Variants in ALB observed in about 807,000 individuals in gnomAD.
ALB encodes albumin.
A neutral mutation model predicts 74.5 loss-of-function variants in ALB; 37 were observed. That is an observed-to-expected ratio of 0.50 (90% CI 0.38 to 0.65). The LOEUF is 0.65. Ranked by LOEUF, ALB falls within the 30% of genes least tolerant of loss-of-function variation. ALB has a pLI of 0.00. For missense variants in ALB, 685 were observed against 718.7 expected, an observed-to-expected ratio of 0.95 and a Z score of 0.54; for synonymous variants, 249 against 251.6, an observed-to-expected ratio of 0.99 and a Z score of 0.10.
intron 7 of ALB, among the ~76,000 whole-genome samples, chr4:73,412,588 G>A (rs1718907070): frequency 6.6e-6 from 1 of 152,066 alleles, no homozygotes; most frequent in South Asian, 2.1e-4. Flanking sequence ...TGGGATTACA[G>A]GCATGCGCCA....
At chr4:73,412,455 CT>C in intron 7 of ALB, among the ~76,000 whole-genome samples, 1 of 151,100 alleles carries the variant, frequency 6.6e-6, no homozygotes, top group Non-Finnish European at 1.5e-5. Context: ...ATTTTTTTTT[CT>C]TTTTTTAAGA....
chr4:73,407,587 A>G (rs550122796), intron 3 of ALB, among the ~76,000 whole-genome samples: 3 of 152,304 alleles, frequency 2.0e-5, no homozygotes, highest in South Asian at 2.1e-4. Flanking sequence ...GAGAGCTACT[A>G]TCTCTTAGAG....
chr4:73,410,169 T>C, intron 5 of ALB, 143 bp from the exon 6 acceptor site: 2 of 680,124 alleles, frequency 2.9e-6, no homozygotes, highest in Non-Finnish European at 2.7e-6. Context: ...GCAAAATCAT[T>C]ATTCGCTAAA....
At chr4:73,409,787 A>G (rs1159161077) in intron 5 of ALB, among the ~76,000 whole-genome samples, 2 of 152,142 alleles carry the variant, frequency 1.3e-5, no homozygotes, top group Non-Finnish European at 2.9e-5. Flanking sequence ...GTCAAATTGC[A>G]CAGCAAGGGG....
In ALB at chr4:73,417,576, A is replaced by C. The variant is rs1265590977; in HGVS notation, c.1335A>C (p.Pro445=). ...AGAAAGTACCCCAAGTGTCAACTCC[A>C]ACTCTTGTAGAGGTCTCAAGAAACC... ...YTKKVPQVST[P]TLVEVSRNLG... The change falls in exon 11 of 15, where the codon CCA becomes CCC. Residue 445 remains proline, a synonymous_variant. Coordinates refer to ENST00000295897, the MANE Select transcript of ALB (RefSeq NM_000477.7). 2 of 1,613,916 alleles carry C rather than the reference A, an allele frequency of 1.2e-6. No individual in the cohort carries two copies. The highest frequency in any genetic ancestry group is 1.3e-5 in the African/African-American group (1 of 74,886).
At chr4:73,406,827 ATTT>A in intron 3 of ALB, 66 bp downstream of exon 3, 2 of 1,586,726 alleles carry the variant, frequency 1.3e-6, no homozygotes, top group East Asian at 2.2e-5. Flanking sequence ...TTTCAAAGGA[ATTT>A]TTTTTAAGTT....
intron 2 of ALB, among the ~76,000 whole-genome samples, chr4:73,406,187 A>T (rs2149326929): frequency 6.6e-6 from 1 of 152,286 alleles, no homozygotes; most frequent in African/African-American, 2.4e-5. Context: ...TGGACCTGAG[A>T]GGTCAAGGCT....
At chr4:73,406,528 AAGAT>A in intron 2 of ALB, 97 bp from the exon 3 acceptor site, 1 of 1,147,000 alleles carries the variant, frequency 8.7e-7, no homozygotes, top group South Asian at 1.3e-5. Flanking sequence ...AGATGTATAA[AAGAT>A]AGAACCTATA....
chr4:73,410,779 G>T (rs773155716), intron 6 of ALB, among the ~76,000 whole-genome samples: 3 of 151,912 alleles, frequency 2.0e-5, no homozygotes, highest in Non-Finnish European at 2.9e-5. Flanking sequence ...TTTAATTTTT[G>T]TGGATACAGA....
chr4:73,414,953 T>C (rs981793943), intron 8 of ALB, 82 bp from the exon 9 acceptor site: 281 of 1,536,776 alleles, frequency 1.8e-4, no homozygotes, highest in Non-Finnish European at 2.3e-4. Context: ...TTTTGGAATA[T>C]GAGTTACTTT....
At chr4:73,410,182 G>A in intron 5 of ALB, 130 bp from the exon 6 acceptor site, 1 of 720,214 alleles carries the variant, frequency 1.4e-6, no homozygotes, top group South Asian at 1.5e-5. Context: ...TCGCTAAAGG[G>A]AGTACTTGGG....
At chr4:73,409,205 CAG>C (rs1464110665) in intron 4 of ALB, 148 bp from the exon 5 acceptor site, 6 of 810,168 alleles carry the variant, frequency 7.4e-6, no homozygotes, top group African/African-American at 7.0e-5. Context: ...TAAAGAATGA[CAG>C]AGACAAGACC....
intron 14 of ALB, chr4:73,420,836 T>C (rs1425822025): frequency 2.0e-5 from 8 of 392,150 alleles, no homozygotes; most frequent in Non-Finnish European, 2.7e-5. Flanking sequence ...GTGAAGAATC[T>C]GCTATTACAT....
intron 8 of ALB, 52 bp from the exon 9 acceptor site, chr4:73,414,982 AT>A: frequency 1.9e-6 from 3 of 1,599,654 alleles, no homozygotes; most frequent in Non-Finnish European, 2.6e-6. Flanking sequence ...GCTTTGTGAT[AT>A]TTTTTGTGCT....
At chr4:73,417,423 A>G in intron 10 of ALB, 108 bp from the exon 11 acceptor site, 1 of 1,376,756 alleles carries the variant, frequency 7.3e-7, no homozygotes, top group East Asian at 2.3e-5. Context: ...AATATGATGA[A>G]TGGAACATAG....
chr4:73,420,201 T>C, intron 13 of ALB, 53 bp from the exon 14 acceptor site: 1 of 1,482,484 alleles, frequency 6.7e-7, no homozygotes, highest in East Asian at 2.3e-5. Flanking sequence ...TAATTTTGTA[T>C]CCTAATAGTA....
At chr4:73,412,340 A>G (rs1718899055) in intron 7 of ALB, 2 of 601,364 alleles carry the variant, frequency 3.3e-6, no homozygotes, top group African/African-American at 1.8e-5. Flanking sequence ...CTGATTTGTA[A>G]CTCCTTTCAG....
Position 73,404,501 on chromosome 4 carries a change from G to T in ALB, c.79+95G>T, listed in dbSNP as rs916755136. 4.5e-6 allele frequency: 5 copies of T among 1,102,086 alleles called. No homozygotes were observed. In the Admixed American group the frequency reaches 7.3e-5, roughly 16 times the overall value. The allele number at this position is 1,102,086 out of a possible 1,614,324, so 68.3% of individuals were successfully genotyped here. A position where few individuals can be genotyped will look rare whatever the true frequency, so the allele number is the denominator to read the frequency against. ...TCTGCATCTTTAAAGAATTATTTTG[G>T]CATTTATTTCTAAAATGGCATAGTA... On this transcript the variant is annotated intron_variant, in intron 1 of 14. Coordinates refer to ENST00000295897, the MANE Select transcript of ALB (RefSeq NM_000477.7).
At chr4:73,417,473 A>T in intron 10 of ALB, 58 bp from the exon 11 acceptor site, 2 of 1,598,074 alleles carry the variant, frequency 1.3e-6, no homozygotes, top group East Asian at 4.5e-5. Context: ...TCTCTGTTTT[A>T]TCTACTATGT....
Sources: allele counts gnomAD v4.1 joint callset (sites outside exome capture counted in the v4.1 genomes callset), GRCh38; gene constraint gnomAD v4.1.1; transcripts MANE v1.5; gene names NCBI Gene and HGNC (gene_info 2026-07-23, HGNC 2026-07-21).